Variants in PDZRN4 observed in about 807,000 individuals in gnomAD.
PDZRN4 encodes PDZ domain containing ring finger 4, also known as PDZ domain-containing RING finger protein 4.
In PDZRN4, 70 loss-of-function variants were observed where a neutral mutation model predicts 99.0. The ratio of observed to expected loss-of-function variants is 0.71; its 90% CI spans 0.58 to 0.86. The LOEUF (loss-of-function observed/expected upper bound fraction) is 0.86. Among genes scored for constraint, PDZRN4 ranks in the 40% least tolerant of loss-of-function variants. The pLI is 0.00. For missense variants in PDZRN4, 1,474 were observed against 1,331.2 expected (o/e 1.11, Z -1.67); for synonymous variants, 551 against 501.6 (o/e 1.10, Z -1.32).
intron 3 of PDZRN4, among the ~76,000 whole-genome samples, chr12:41,280,205 G>A (rs1265493195): frequency 6.6e-6 from 1 of 152,162 alleles, no homozygotes; most frequent in East Asian, 1.9e-4. Context: ...TTTTCCCAGG[G>A]TCTTTGCAAC....
intron 3 of PDZRN4, among the ~76,000 whole-genome samples, chr12:41,457,475 A>T (rs1364883893): frequency 4.6e-5 from 7 of 152,330 alleles, no homozygotes; most frequent in Non-Finnish European, 7.3e-5. Flanking sequence ...ATACTAAAAT[A>T]AGAATTTAAA....
intron 3 of PDZRN4, among the ~76,000 whole-genome samples, chr12:41,318,316 A>G (rs1951652714): frequency 6.6e-6 from 1 of 152,222 alleles, no homozygotes; most frequent in South Asian, 2.1e-4. Flanking sequence ...TGACTACTCA[A>G]TCAAAATTAT....
chr12:41,238,409 A>C (rs1951080602), intron 3 of PDZRN4, among the ~76,000 whole-genome samples: 1 of 152,186 alleles, frequency 6.6e-6, no homozygotes, highest in Non-Finnish European at 1.5e-5. Context: ...TGCACAGCAA[A>C]AGAATCTATC....
chr12:41,462,918 A>T (rs1952886257), intron 3 of PDZRN4, among the ~76,000 whole-genome samples: 1 of 152,168 alleles, frequency 6.6e-6, no homozygotes, highest in Non-Finnish European at 1.5e-5. Context: ...CCACTGTCAA[A>T]CTCTTGGTGC....
At chr12:41,486,933 G>T (rs1361470212) in intron 3 of PDZRN4, among the ~76,000 whole-genome samples, 1 of 152,088 alleles carries the variant, frequency 6.6e-6, no homozygotes, top group East Asian at 1.9e-4. Flanking sequence ...CCAGCTAGCG[G>T]CAGGAGCATT....
chr12:41,353,273 C>T (rs926995659), intron 3 of PDZRN4, among the ~76,000 whole-genome samples: 7 of 152,058 alleles, frequency 4.6e-5, no homozygotes, highest in Non-Finnish European at 8.8e-5. Context: ...CTCTTTCACT[C>T]ACTCACCCAT....
At chr12:41,424,116 C>G (rs2120417112) in intron 3 of PDZRN4, among the ~76,000 whole-genome samples, 1 of 152,280 alleles carries the variant, frequency 6.6e-6, no homozygotes, top group East Asian at 1.9e-4. Context: ...AAGCCCTACT[C>G]TGCTTTGTGA....
intron 3 of PDZRN4, among the ~76,000 whole-genome samples, chr12:41,407,721 AAAAC>A (rs752431386): frequency 3.3e-4 from 49 of 149,442 alleles, no homozygotes; most frequent in Middle Eastern, 3.4e-3. Flanking sequence ...AGAAAAAAAA[AAAAC>A]AAATGGCATA....
At chr12:41,411,150 C>G (rs764225781) in intron 3 of PDZRN4, among the ~76,000 whole-genome samples, 1 of 151,794 alleles carries the variant, frequency 6.6e-6, no homozygotes, top group African/African-American at 2.4e-5. Flanking sequence ...GTCCTCCTGC[C>G]TCAGCCTCCC....
intron 3 of PDZRN4, among the ~76,000 whole-genome samples, chr12:41,496,838 C>G (rs556831116): frequency 1.3e-5 from 2 of 152,212 alleles, no homozygotes; most frequent in East Asian, 3.9e-4. Flanking sequence ...TTTTTAGGCC[C>G]TGAAACTACA....
At chr12:41,286,185 A>G (rs1340100147) in intron 3 of PDZRN4, among the ~76,000 whole-genome samples, 1 of 151,908 alleles carries the variant, frequency 6.6e-6, no homozygotes, top group African/African-American at 2.4e-5. Flanking sequence ...ACTATTTTGT[A>G]TTTAAGTATG....
In PDZRN4 at chr12:41,563,722, T is replaced by C. The variant is rs117688693; in HGVS notation, c.1467+73T>C. On this transcript the variant is annotated intron_variant, in intron 8 of 9. Coordinates refer to ENST00000402685, the MANE Select transcript of PDZRN4 (RefSeq NM_001164595.2). Reference sequence around the variant, plus strand: ...AATTCACTGAATGTAAATTCGTGAATGAATTATATTCATTATCTGCTATTC... The same window carrying C: ...AATTCACTGAATGTAAATTCGTGAACGAATTATATTCATTATCTGCTATTC... 1,407 of 981,708 alleles carry C rather than the reference T, an allele frequency of 1.4e-3. 9 individuals are homozygous for C. The highest frequency in any genetic ancestry group is 5.6e-3 in the East Asian group (225 of 40,338). 60.8% of individuals were successfully genotyped at this position (981,708 alleles called of 1,614,324 possible).
rs147175231 is a variant in PDZRN4 at position 41,235,009 on chromosome 12, G to A, written c.843+40821G>A. On this transcript the variant is annotated intron_variant, in intron 3 of 9. Coordinates refer to ENST00000402685, the MANE Select transcript of PDZRN4 (RefSeq NM_001164595.2). ...ACCCCACTAACCTACACCGGAAGGG[G>A]TTAGAAGGTTACCTAAACACACAGT... 3.9e-5 allele frequency among the ~76,000 whole-genome samples: 6 copies of A among 152,192 alleles called. 1 individual carries two copies. The highest frequency in any genetic ancestry group is 1.4e-4 in the African/African-American group (6 of 41,538).
intron 3 of PDZRN4, among the ~76,000 whole-genome samples, chr12:41,353,189 T>A (rs1271741664): frequency 6.6e-6 from 1 of 152,120 alleles, no homozygotes; most frequent in African/African-American, 2.4e-5. Flanking sequence ...AGAATAGGAT[T>A]TTTTTTCTTG....
intron 3 of PDZRN4, chr12:41,478,033 C>T (rs189587496): frequency 1.3e-5 from 9 of 678,458 alleles, no homozygotes; most frequent in African/African-American, 1.1e-4. Context: ...GTCTTTGTGA[C>T]CACTGGTTCT....
At chr12:41,217,538 T>C (rs1950929466) in intron 3 of PDZRN4, among the ~76,000 whole-genome samples, 1 of 152,030 alleles carries the variant, frequency 6.6e-6, no homozygotes, top group Admixed American at 6.6e-5. Context: ...TCCAATTAGA[T>C]AGTAATGCCA....
At chr12:41,436,905 T>C (rs1952634811) in intron 3 of PDZRN4, among the ~76,000 whole-genome samples, 1 of 152,210 alleles carries the variant, frequency 6.6e-6, no homozygotes, top group African/African-American at 2.4e-5. Context: ...TGTAAAATAT[T>C]ATATATGACT....
chr12:41,572,619 T>A lies in PDZRN4; in HGVS notation c.1840T>A (p.Ser614Thr), dbSNP rs766887993. The change falls in exon 10 of 10, where the codon TCA becomes ACA. Residue 614 changes from serine (S) to threonine (T), a missense_variant. Ser to Thr is a moderately conservative substitution (Grantham distance 58). Transcript: ENST00000402685. ...CCTCGTATCTGGTGAATACATTGAC[T>A]CAGACTGCATTGGCAACCCAGATGA... Reference protein sequence around the residue: ...ESLVSGEYIDSDCIGNPDEDC... With the variant: ...ESLVSGEYIDTDCIGNPDEDC... 6.2e-7 allele frequency: 1 copy of A among 1,614,118 alleles called. No individual in the cohort carries two copies. The highest frequency in any genetic ancestry group is 1.1e-5 in the South Asian group (1 of 91,074).
At chr12:41,211,489 A>G (rs1479953222) in intron 3 of PDZRN4, among the ~76,000 whole-genome samples, 2 of 151,810 alleles carry the variant, frequency 1.3e-5, no homozygotes, top group African/African-American at 4.8e-5. Flanking sequence ...TAATTCCTAC[A>G]CTGTTGAAGA....
Sources: allele counts gnomAD v4.1 joint callset (sites outside exome capture counted in the v4.1 genomes callset), GRCh38; gene constraint gnomAD v4.1.1; transcripts MANE v1.5; gene names NCBI Gene and HGNC (gene_info 2026-07-23, HGNC 2026-07-21).